Variants in LAMA1 observed in about 807,000 individuals in gnomAD.
LAMA1 encodes the protein laminin subunit alpha-1.
Under a neutral mutation model 348.7 loss-of-function variants are expected in LAMA1, and 219 were observed. That is an observed-to-expected ratio of 0.63 (90% CI 0.56 to 0.70). The LOEUF is 0.70. Among genes scored for constraint, LAMA1 ranks in the 30% least tolerant of loss-of-function variants. LAMA1 has a pLI of 0.00. For synonymous variants in LAMA1, 1,487 were observed against 1,491.0 expected (o/e 1.00, Z 0.06); for missense variants, 3,744 against 3,888.0 (o/e 0.96, Z 0.99).
At chr18:6,942,413 A>C (rs981926936) in intron 62 of LAMA1, among the ~76,000 whole-genome samples, 174 bp from the exon 63 acceptor site, 3 of 152,066 alleles carry the variant, frequency 2.0e-5, no homozygotes, top group Admixed American at 1.3e-4. Flanking sequence ...CAGAATTCAG[A>C]GAAAACTTTT....
intron 1 of LAMA1, among the ~76,000 whole-genome samples, chr18:7,091,833 T>G (rs2058240878): frequency 6.6e-6 from 1 of 152,212 alleles, no homozygotes; most frequent in Non-Finnish European, 1.5e-5. Flanking sequence ...TCCTTAAAAA[T>G]GTCCAGTGAC....
At position 7,023,233 on chromosome 18, in the gene LAMA1, C is replaced by G; in HGVS notation, c.2632G>C (p.Asp878His). The change falls in exon 19 of 63, where the codon GAT (aspartate) becomes CAT (histidine). Residue 878 changes from aspartate to histidine, a missense_variant. By Grantham distance (81) the Asp-to-His change is moderately conservative. Around this residue, in one of 3 missense-constraint regions of LAMA1, gnomAD observed 1,529 missense variants for 1,689.4 expected, o/e 0.91. Transcript: ENST00000389658. ...GCACACCTTTCACAGTGGGCGCCAT[C>G]TGTGTTCCCCAGGCACTTCAGGCAC... ...GECLKCLGNT[D>H]GAHCERCADG... 1 of 1,614,008 alleles carries G rather than the reference C, an allele frequency of 6.2e-7. No homozygotes were observed.
intron 39 of LAMA1, among the ~76,000 whole-genome samples, chr18:6,984,544 G>A (rs944341323): frequency 2.0e-5 from 3 of 152,136 alleles, no homozygotes; most frequent in Non-Finnish European, 2.9e-5. Flanking sequence ...ATCTTTGGGG[G>A]GAAGGCAGCT....
At chr18:7,049,896 C>T (rs958718374) in intron 4 of LAMA1, among the ~76,000 whole-genome samples, 2 of 152,162 alleles carry the variant, frequency 1.3e-5, no homozygotes, top group African/African-American at 2.4e-5. Context: ...TGCCAAAGAT[C>T]AGATGTGGAA....
chr18:7,061,463 T>TA (rs1461627463), intron 3 of LAMA1, among the ~76,000 whole-genome samples: 1 of 152,182 alleles, frequency 6.6e-6, no homozygotes, highest in African/African-American at 2.4e-5. Context: ...GAAATGCAGT[T>TA]ACAGGCCATT....
Position 6,978,609 on chromosome 18 carries a change from A to G in LAMA1, c.6008-231T>C, listed in dbSNP as rs574157547. 3.9e-5 allele frequency among the ~76,000 whole-genome samples: 6 copies of G among 152,306 alleles called. 1 individual carries two copies. The South Asian group carries it at 1.2e-3, about 32-fold the overall frequency. ...AAAGCTGCATATCATATGCTCTACT[A>G]TCCCCTTTTAGGGACAAATGAAATA... On this transcript the variant is annotated intron_variant, in intron 42 of 62. Transcript: ENST00000389658.
At chr18:7,117,301 C>T (rs334405) in intron 1 of LAMA1, among the ~76,000 whole-genome samples, 3,809 of 150,974 alleles carry the variant, frequency 0.025, 136 homozygotes, top group African/African-American at 0.085. Flanking sequence ...CTAAAAGCAA[C>T]CCCCGGCGCC....
chr18:6,994,702 C>T (rs2057773423), intron 34 of LAMA1, among the ~76,000 whole-genome samples: 2 of 120,964 alleles, frequency 1.7e-5, no homozygotes, highest in South Asian at 6.6e-4. Context: ...CACACACATA[C>T]AAAATTCATA....
chr18:7,017,050 G>T (rs914375316), intron 20 of LAMA1, among the ~76,000 whole-genome samples: 1 of 152,150 alleles, frequency 6.6e-6, no homozygotes, highest in Non-Finnish European at 1.5e-5. Flanking sequence ...TAAAGAAGGT[G>T]CCTGCTTCCC....
At chr18:7,059,266 A>C (rs2058094029) in intron 3 of LAMA1, among the ~76,000 whole-genome samples, 1 of 152,156 alleles carries the variant, frequency 6.6e-6, no homozygotes, top group Non-Finnish European at 1.5e-5. Flanking sequence ...TGGTTGACTA[A>C]ACTGCCTTTT....
At chr18:6,943,868 T>C (rs1214737259) in intron 61 of LAMA1, among the ~76,000 whole-genome samples, 1 of 147,364 alleles carries the variant, frequency 6.8e-6, no homozygotes, top group Non-Finnish European at 1.5e-5. Context: ...AAAAAAAAGA[T>C]TCAGATGTTA....
Position 7,043,392 on chromosome 18 carries a change from G to A in LAMA1, c.990C>T (p.His330=), listed in dbSNP as rs1213299101. The A allele has an allele frequency of 1.9e-6, 3 of 1,613,052 alleles. No homozygotes were observed. Among genetic ancestry groups the A allele is most frequent in the Non-Finnish European group, 2.5e-6 (3 of 1,179,910 alleles). The part of the protein sequence containing the change: ...SGNTCEACNC[H]NKAKDCYYDE... ...CATAGTAACAGTCTTTGGCTTTATT[G>A]TGACAATTACATGCTAGGAGAATAT... Residue 330 remains histidine (H), a synonymous_variant, in exon 8 of 63, where the codon CAC becomes CAT. Transcript: ENST00000389658.
chr18:7,045,208 C>A (rs1041693461), intron 6 of LAMA1, among the ~76,000 whole-genome samples: 6 of 152,100 alleles, frequency 3.9e-5, no homozygotes, highest in Admixed American at 1.3e-4. Context: ...TAAAGAATTA[C>A]AAAGATTAGA....
In LAMA1 at chr18:7,012,094, G is replaced by A. The variant is rs769837893; in HGVS notation, c.3408C>T (p.Thr1136=). The part of the protein sequence containing the change: ...GPQCNECREG[T]FALRADNPLG... ...GGGGGTTGTCTGCGCGGAGAGCGAA[G>A]GTGCCCTCTCGACATTCGTTGCACT... The change falls in exon 24 of 63, where the codon ACC becomes ACT. Residue 1136 remains threonine, a synonymous_variant. Transcript: ENST00000389658. 1 of 1,613,742 alleles carries A rather than the reference G, an allele frequency of 6.2e-7. No individual in the cohort carries two copies. The highest frequency in any genetic ancestry group is 1.7e-5 in the Admixed American group (1 of 59,982).
At chr18:6,986,635 G>T (rs1242518915) in intron 36 of LAMA1, among the ~76,000 whole-genome samples, 4 of 151,492 alleles carry the variant, frequency 2.6e-5, no homozygotes, top group Non-Finnish European at 4.4e-5. Flanking sequence ...AGTGCACAGT[G>T]ATGTTCCATG....
At chr18:6,992,428 C>A in intron 36 of LAMA1, 133 bp downstream of exon 36, 1 of 956,536 alleles carries the variant, frequency 1.0e-6, no homozygotes, top group South Asian at 1.3e-5. Context: ...GACCACAGGG[C>A]CCCTTCTCCT....
At chr18:7,099,508 T>C (rs1477423256) in intron 1 of LAMA1, among the ~76,000 whole-genome samples, 1 of 149,958 alleles carries the variant, frequency 6.7e-6, no homozygotes, top group Non-Finnish European at 1.5e-5. Context: ...AAAAATGAAC[T>C]TACACCCTGA....
chr18:6,992,025 G>C lies in LAMA1; in HGVS notation c.5168+536C>G. Among the ~76,000 whole-genome samples the C allele has an allele frequency of 1.3e-5, 2 of 152,150 alleles. 1 individual carries two copies. Among genetic ancestry groups the C allele is most frequent in the Non-Finnish European group, 2.9e-5 (2 of 68,038 alleles). On this transcript the variant is annotated intron_variant, in intron 36 of 62. Transcript: ENST00000389658. ...CTAGTATATCAAGTAATACCTGTGT[G>C]GAAATGCTAAGATAAAAGCTGGAAA...
At position 7,032,270 on chromosome 18, in the gene LAMA1, T is replaced by A. The variant is rs2057973625; in HGVS notation, c.2164-94A>T. ...ACAGAAATGTCTTTTTTCTTAAACA[T>A]CTTAACTGAGGTATCATTTACATGC... On this transcript the variant is annotated intron_variant, in intron 15 of 62. Coordinates refer to ENST00000389658, the MANE Select transcript of LAMA1 (RefSeq NM_005559.4). 9.0e-6 allele frequency: 7 copies of A among 779,582 alleles called. No homozygotes were observed. In the Admixed American group the frequency reaches 1.4e-4, roughly 15 times the overall value. The allele number at this position is 779,582 out of a possible 1,614,324, so 48.3% of individuals were successfully genotyped here.
Sources: allele counts gnomAD v4.1 joint callset (sites outside exome capture counted in the v4.1 genomes callset), GRCh38; gene constraint gnomAD v4.1.1; regional missense constraint gnomAD v4.1.1; transcripts MANE v1.5; gene names NCBI Gene and HGNC (gene_info 2026-07-23, HGNC 2026-07-21).